CORO7: variants seen among roughly 807,000 people sequenced by gnomAD.
The protein encoded by CORO7 is coronin 7.
In CORO7, 107 loss-of-function variants were observed where a neutral mutation model predicts 126.6. The ratio of observed to expected loss-of-function variants is 0.85; its 90% confidence interval spans 0.72 to 0.99. The LOEUF (loss-of-function observed/expected upper bound fraction) is 0.99. Ranked by LOEUF, CORO7 falls within the 50% of genes least tolerant of loss-of-function variation. CORO7 has a pLI of 0.00. For missense variants in CORO7, 1,314 were observed against 1,255.8 expected (o/e 1.05, Z -0.70); for synonymous variants, 603 against 536.8 (o/e 1.12, Z -1.70).
At chr16:4,377,410 C>A (rs1041305939) in intron 9 of CORO7, among the ~76,000 whole-genome samples, 1 of 152,116 alleles carries the variant, frequency 6.6e-6, no homozygotes, top group African/African-American at 2.4e-5. Context: ...CCCAGCCCCA[C>A]GCACACACCA....
intron 9 of CORO7, among the ~76,000 whole-genome samples, chr16:4,376,344 G>A (rs2054730387): frequency 6.6e-6 from 1 of 152,202 alleles, no homozygotes; most frequent in East Asian, 1.9e-4. Context: ...TCCCGGGGCT[G>A]GGCTGCTGCC....
At chr16:4,391,142 G>A (rs2055373348) in intron 7 of CORO7, among the ~76,000 whole-genome samples, 1 of 152,168 alleles carries the variant, frequency 6.6e-6, no homozygotes, top group Non-Finnish European at 1.5e-5. Context: ...ATGAGAGGTG[G>A]GCTGGGCGCA....
intron 21 of CORO7, among the ~76,000 whole-genome samples, chr16:4,359,846 C>T (rs1372317962): frequency 6.6e-6 from 1 of 151,650 alleles, no homozygotes; most frequent in African/African-American, 2.4e-5. Context: ...GACTGCCTCA[C>T]CGCCCCTGCT....
At chr16:4,364,719 G>A in intron 12 of CORO7, 30 bp from the exon 13 acceptor site, 1 of 1,589,384 alleles carries the variant, frequency 6.3e-7, no homozygotes, top group Non-Finnish European at 8.6e-7. Flanking sequence ...CAGCTAGTGA[G>A]GCCCAGGCCC....
At chr16:4,415,765 C>T in intron 1 of CORO7, 1 of 985,656 alleles carries the variant, frequency 1.0e-6, no homozygotes, top group Non-Finnish European at 1.2e-6. Context: ...CCAAGGCGCA[C>T]CCCTCATCAG....
intron 8 of CORO7, 144 bp from the exon 9 acceptor site, chr16:4,388,212 C>G (rs2055264176): frequency 9.6e-7 from 1 of 1,037,192 alleles, no homozygotes; most frequent in African/African-American, 1.6e-5. Context: ...GTGGGAGTCA[C>G]CCCAGGGAAA....
In CORO7 at chr16:4,361,008, T is replaced by C. The variant is rs2054159935; in HGVS notation, c.1852A>G (p.Thr618Ala). ...NVLASSSYDL[T>A]VRIWDLQAGA... ...GCCTGAAGGTCCCAGATGCGAACAG[T>C]GAGGTCATAGGAGGACGAGGCCAGC... The change falls in exon 19 of 28, where the codon ACT becomes GCT. Residue 618 changes from threonine (T) to alanine (A), a missense_variant. Coordinates refer to ENST00000251166, the MANE Select transcript of CORO7 (RefSeq NM_024535.5). The C allele has an allele frequency of 6.2e-7, 1 of 1,613,202 alleles. No homozygotes were observed.
At chr16:4,383,920 C>G (rs1218895707) in intron 9 of CORO7, among the ~76,000 whole-genome samples, 2 of 152,198 alleles carry the variant, frequency 1.3e-5, no homozygotes, top group African/African-American at 4.8e-5. Flanking sequence ...CATTCCAGGC[C>G]TCATGGATGG....
At chr16:4,384,611 GT>G in intron 9 of CORO7, among the ~76,000 whole-genome samples, 1 of 152,346 alleles carries the variant, frequency 6.6e-6, no homozygotes, top group African/African-American at 2.4e-5. Context: ...TGGCGCGGGT[GT>G]TGATGTCAGT....
At chr16:4,382,780 CCG>C in intron 9 of CORO7, 1 of 1,576,606 alleles carries the variant, frequency 6.3e-7, no homozygotes, top group Non-Finnish European at 8.6e-7. Context: ...GGAGCCAGGC[CCG>C]AAGGCAACAG....
At chr16:4,415,258 A>G (rs1191885586) in intron 1 of CORO7, among the ~76,000 whole-genome samples, 1 of 152,040 alleles carries the variant, frequency 6.6e-6, no homozygotes, top group Middle Eastern at 3.2e-3. Flanking sequence ...ATCTGTCACC[A>G]TACTGCTCCG....
intron 5 of CORO7, among the ~76,000 whole-genome samples, chr16:4,406,264 T>G (rs574296756): frequency 2.0e-5 from 3 of 152,200 alleles, no homozygotes; most frequent in East Asian, 3.9e-4. Context: ...CCTCCCAAAG[T>G]GCTGGGATCA....
intron 3 of CORO7, among the ~76,000 whole-genome samples, chr16:4,409,605 C>T (rs1430730229): frequency 6.6e-6 from 1 of 152,234 alleles, no homozygotes; most frequent in Non-Finnish European, 1.5e-5. Context: ...GGGTGAGTAA[C>T]TGCCCCAAGT....
chr16:4,355,201 G>T, intron 27 of CORO7, 38 bp from the exon 28 acceptor site: 1 of 1,576,240 alleles, frequency 6.3e-7, no homozygotes, highest in Non-Finnish European at 8.6e-7. Context: ...GGAGTCAGGA[G>T]GGCCTGGGAA....
intron 9 of CORO7, among the ~76,000 whole-genome samples, chr16:4,380,324 A>G (rs1212922865): frequency 1.3e-5 from 2 of 152,198 alleles, no homozygotes; most frequent in Non-Finnish European, 2.9e-5. Flanking sequence ...CTGACTGCCC[A>G]AGTGGAAAAA....
In CORO7 at chr16:4,362,908, CAGGGAAG is replaced by C. The variant is rs2054229538; in HGVS notation, c.1276-177_1276-171del. The C allele has an allele frequency of 2.6e-6, 2 of 759,532 alleles. No homozygotes were observed. The highest frequency in any genetic ancestry group is 3.6e-5 in the African/African-American group (2 of 55,294). The allele number at this position is 759,532 out of a possible 1,614,324, so 47.0% of individuals were successfully genotyped here. ...GGGCACGGGCATAAACGCAGACACA[CAGGGAAG>C]CAGCCGAGCTTCAGACCGCGGGGAC... On this transcript the variant is annotated intron_variant, in intron 14 of 27. Coordinates refer to ENST00000251166, the MANE Select transcript of CORO7 (RefSeq NM_024535.5). The surrounding 1 kb of genome is among the most constrained non-coding windows in gnomAD (Gnocchi z 5.3).
chr16:4,360,191 T>C lies in CORO7; in HGVS notation c.2108+87A>G. 3 of 1,570,716 alleles carry C rather than the reference T, an allele frequency of 1.9e-6. No homozygotes were observed. In the South Asian group the frequency reaches 3.4e-5, roughly 18 times the overall value. ...TCCAGTGAGGGGCAGGAATGGTTTC[T>C]GAAAGCCTGACAAATGTATGTGACT... On this transcript the variant is annotated intron_variant, in intron 21 of 27. Coordinates refer to ENST00000251166, the MANE Select transcript of CORO7 (RefSeq NM_024535.5).
intron 6 of CORO7, among the ~76,000 whole-genome samples, chr16:4,400,823 A>ATAATAATAATAATAC (rs1401302034): frequency 2.7e-5 from 4 of 149,698 alleles, no homozygotes; most frequent in Non-Finnish European, 5.9e-5. Flanking sequence ...AATAATAATA[A>ATAATAATAATAATAC]TAATAATAAT....
At chr16:4,364,980 G>T in intron 11 of CORO7, 23 bp downstream of exon 11, 1 of 1,605,152 alleles carries the variant, frequency 6.2e-7, no homozygotes, top group South Asian at 1.1e-5. Context: ...GGTAGGGGAT[G>T]GGGGCGAGGA....
Sources: gnomAD v4.1 joint callset for allele counts (sites outside exome capture counted in the v4.1 genomes callset) on GRCh38, gnomAD v4.1.1 for gene constraint, Gnocchi (gnomAD v3.1) non-coding constraint, MANE v1.5 for transcripts, NCBI Gene and HGNC (gene_info 2026-07-23, HGNC 2026-07-21) for gene names.